Variants in RAB11FIP3 observed in about 807,000 individuals in gnomAD.
The protein encoded by RAB11FIP3 is RAB11 family interacting protein 3, also known as rab11 family-interacting protein 3.
A neutral mutation model predicts 77.8 loss-of-function variants in RAB11FIP3; 17 were observed. The ratio of observed to expected loss-of-function variants is 0.22; its 90% CI spans 0.15 to 0.33. The LOEUF (loss-of-function observed/expected upper bound fraction) is 0.33. Among genes scored for constraint, RAB11FIP3 ranks in the 10% least tolerant of loss-of-function variants. The pLI, the probability that RAB11FIP3 is intolerant of heterozygous loss-of-function variation, is 1.00. For missense variants in RAB11FIP3, 1,005 were observed against 1,011.2 expected (o/e 0.99, Z 0.08); for synonymous variants, 437 against 448.2 (o/e 0.98, Z 0.31).
chr16:510,824 C>T lies in RAB11FIP3; in HGVS notation c.1640+24C>T, dbSNP rs143350253. 98 of 1,610,512 alleles carry T rather than the reference C, an allele frequency of 6.1e-5. 1 individual carries two copies. In the African/African-American group the frequency reaches 1.1e-3, roughly 18 times the overall value. On this transcript the variant is annotated intron_variant, in intron 9 of 13. Transcript: ENST00000262305. Reference sequence around the variant, plus strand: ...AGGTAGGCGGTTCCCAACAGCCCATCCACCCCAGAACCTGCAGGCCAGGTA... The same window carrying T: ...AGGTAGGCGGTTCCCAACAGCCCATTCACCCCAGAACCTGCAGGCCAGGTA...
chr16:467,932 A>G (rs2055736158), intron 2 of RAB11FIP3, among the ~76,000 whole-genome samples: 3 of 113,086 alleles, frequency 2.7e-5, no homozygotes, highest in African/African-American at 7.1e-5. Flanking sequence ...GTCAGGGAGG[A>G]GGTGCAGGGG....
chr16:499,354 T>G (rs921318908), intron 6 of RAB11FIP3, among the ~76,000 whole-genome samples: 1 of 152,256 alleles, frequency 6.6e-6, no homozygotes, highest in Non-Finnish European at 1.5e-5. Flanking sequence ...GCTGGTGACA[T>G]GAAAGACCGG....
chr16:490,225 G>A (rs552473228), intron 5 of RAB11FIP3, among the ~76,000 whole-genome samples: 14 of 152,228 alleles, frequency 9.2e-5, no homozygotes, highest in South Asian at 4.1e-4. Context: ...CCCAGCGCCC[G>A]CGATGAGGCT....
intron 9 of RAB11FIP3, among the ~76,000 whole-genome samples, chr16:516,158 C>T (rs1210543760): frequency 6.6e-6 from 1 of 152,232 alleles, no homozygotes; most frequent in Non-Finnish European, 1.5e-5. Flanking sequence ...AGCAAGTCCC[C>T]TCCTGGGTAG....
rs2032597153 is a variant in RAB11FIP3, at chr16:519,891, G to C, written c.1860G>C (p.Glu620Asp). ...AGAGGGACAAGGAGGCCACCCAGGA[G>C]GTGAGCACCCACCCTGCCCCACGCC... ...QFQRDKEATQELIEDLRKQLE... is the reference protein window; with the variant it reads ...QFQRDKEATQDLIEDLRKQLE... Residue 620 changes from glutamate (E) to aspartate (D), a missense_variant and splice_region_variant, in exon 11 of 14, where the codon GAG becomes GAC. Glu to Asp is a conservative substitution (Grantham distance 45). Around this residue, in one of 4 missense-constraint regions of RAB11FIP3, gnomAD observed 433 missense variants for 436.1 expected, o/e 0.99. Coordinates refer to ENST00000262305, the MANE Select transcript of RAB11FIP3 (RefSeq NM_014700.4). 1 of 1,582,634 alleles carries C rather than the reference G, an allele frequency of 6.3e-7. No individual in the cohort carries two copies.
At chr16:458,066 A>G (rs2055532594) in intron 1 of RAB11FIP3, among the ~76,000 whole-genome samples, 1 of 152,184 alleles carries the variant, frequency 6.6e-6, no homozygotes, top group South Asian at 2.1e-4. Context: ...GGAAGCGGAA[A>G]CTCAGTCTCT....
At chr16:493,659 T>C (rs2030809558) in intron 5 of RAB11FIP3, among the ~76,000 whole-genome samples, 1 of 152,188 alleles carries the variant, frequency 6.6e-6, no homozygotes, top group African/African-American at 2.4e-5. Context: ...CAGGCCGGAG[T>C]GCAGTGGTGC....
rs2031209590 is a variant in RAB11FIP3, at chr16:497,204, A to G, written c.1301+345A>G. 6.8e-6 allele frequency: 8 copies of G among 1,184,234 alleles called. No individual in the cohort carries two copies. In the South Asian group the frequency reaches 9.2e-5, roughly 14 times the overall value. 73.4% of individuals were successfully genotyped at this position (1,184,234 alleles called of 1,614,324 possible). On this transcript the variant is annotated intron_variant, in intron 6 of 13. Transcript: ENST00000262305. ...CCCAGTGAGGAGCCTGGCTTCTCAGAGCCGGGTCTGGGCAGCTCCCCAAGG... is the reference window on the plus strand; with the variant it reads ...CCCAGTGAGGAGCCTGGCTTCTCAGGGCCGGGTCTGGGCAGCTCCCCAAGG...
chr16:477,354 C>T (rs2055936646), intron 3 of RAB11FIP3, among the ~76,000 whole-genome samples: 1 of 152,224 alleles, frequency 6.6e-6, no homozygotes, highest in African/African-American at 2.4e-5. Flanking sequence ...TCCTGGTGCC[C>T]CTGGGGTGAG....
intron 6 of RAB11FIP3, among the ~76,000 whole-genome samples, chr16:498,530 T>G (rs1242893308): frequency 6.6e-6 from 1 of 152,142 alleles, no homozygotes; most frequent in Non-Finnish European, 1.5e-5. Flanking sequence ...CTTTCTTTTC[T>G]TTTTGAGACA....
chr16:469,923 C>G (rs998979409), intron 2 of RAB11FIP3, among the ~76,000 whole-genome samples: 3 of 152,162 alleles, frequency 2.0e-5, no homozygotes, highest in Non-Finnish European at 4.4e-5. Context: ...GCCTCCCTGG[C>G]TCAAGCCTTC....
At chr16:498,816 TTC>T (rs2031320869) in intron 6 of RAB11FIP3, among the ~76,000 whole-genome samples, 2 of 146,924 alleles carry the variant, frequency 1.4e-5, no homozygotes, top group Admixed American at 1.3e-4. Flanking sequence ...GTTTTCCATT[TTC>T]TGTCATTTTA....
intron 1 of RAB11FIP3, among the ~76,000 whole-genome samples, chr16:428,790 C>T (rs943148772): frequency 6.6e-6 from 1 of 152,158 alleles, no homozygotes; most frequent in African/African-American, 2.4e-5. Flanking sequence ...TTTGTCATAA[C>T]CTCCCTTAAT....
At chr16:504,107 C>G (rs1384794431) in intron 7 of RAB11FIP3, among the ~76,000 whole-genome samples, 2 of 78,112 alleles carry the variant, frequency 2.6e-5, no homozygotes, top group Admixed American at 1.2e-4. Flanking sequence ...TCCTGTACCC[C>G]CTCACCTCCT....
intron 3 of RAB11FIP3, among the ~76,000 whole-genome samples, chr16:474,386 A>G (rs2141693630): frequency 6.6e-6 from 1 of 152,278 alleles, no homozygotes; most frequent in Non-Finnish European, 1.5e-5. Flanking sequence ...CTGTTTTCCC[A>G]GGGATCCTTT....
chr16:505,497 A>G lies in RAB11FIP3; in HGVS notation c.1396-27A>G. ...AGGCCCTTCTGCTTCTGGCTGCCTG[A>G]CCCTGAAGCCTGGTCTCATTGCCAA... On this transcript the variant is annotated intron_variant, in intron 7 of 13. Coordinates refer to ENST00000262305, the MANE Select transcript of RAB11FIP3 (RefSeq NM_014700.4). This position sits in a 1 kb window ranked among gnomAD's most constrained non-coding sequence, Gnocchi z 4.0. 1 of 1,585,358 alleles carries G rather than the reference A, an allele frequency of 6.3e-7. No homozygotes were observed. Among genetic ancestry groups the G allele is most frequent in the Non-Finnish European group, 8.6e-7 (1 of 1,166,018 alleles).
At chr16:487,199 C>T (rs1012877794) in intron 4 of RAB11FIP3, among the ~76,000 whole-genome samples, 4 of 149,908 alleles carry the variant, frequency 2.7e-5, no homozygotes, top group Non-Finnish European at 5.9e-5. Flanking sequence ...GGCGCGATCT[C>T]GGCTCACTGC....
chr16:447,271 C>G (rs1464867463), intron 1 of RAB11FIP3, among the ~76,000 whole-genome samples: 1 of 152,088 alleles, frequency 6.6e-6, no homozygotes, highest in African/African-American at 2.4e-5. Flanking sequence ...TGCCAGTGCA[C>G]TCTAGCCTGG....
In RAB11FIP3 at chr16:444,893, A is replaced by T. The variant is rs563699961; in HGVS notation, c.715-16511A>T. On this transcript the variant is annotated intron_variant, in intron 1 of 13. Coordinates refer to ENST00000262305, the MANE Select transcript of RAB11FIP3 (RefSeq NM_014700.4). ...ACTTCGGGAGGCCAAGGCAGGTGGA[A>T]TACGAAGTCAGGGGACCGAGCCCAT... Among the ~76,000 whole-genome samples the T allele has an allele frequency of 6.0e-3, 901 of 151,394 alleles. 7 individuals carry two copies. The highest frequency in any genetic ancestry group is 0.021 in the African/African-American group (854 of 41,234).
Sources: allele counts gnomAD v4.1 joint callset (sites outside exome capture counted in the v4.1 genomes callset), GRCh38; gene constraint gnomAD v4.1.1; regional missense constraint gnomAD v4.1.1; non-coding constraint Gnocchi (gnomAD v3.1); transcripts MANE v1.5; gene names NCBI Gene and HGNC (gene_info 2026-07-23, HGNC 2026-07-21).